Variants in DGKK observed in about 807,000 individuals in gnomAD.
DGKK encodes 142 kDa diacylglycerol kinase.
Under a neutral mutation model 92.2 loss-of-function variants are expected in DGKK, and 35 were observed. The ratio of observed to expected loss-of-function variants is 0.38; its 90% CI spans 0.29 to 0.50. The LOEUF (loss-of-function observed/expected upper bound fraction) is 0.50, where lower values mean the gene tolerates loss of function less well. Among genes scored for constraint, DGKK ranks in the 20% least tolerant of loss-of-function variants. DGKK has a pLI of 0.92. For synonymous variants in DGKK, 368 were observed against 360.6 expected, an observed-to-expected ratio of 1.02 and a Z score of -0.23; for missense variants, 910 against 992.2, an observed-to-expected ratio of 0.92 and a Z score of 1.11.
At chrX:50,378,280 C>T (rs1557224064) in intron 21 of DGKK, 48 bp from the exon 22 acceptor site, 5 of 1,172,543 alleles carry the variant, frequency 4.3e-6, no homozygotes, top group Non-Finnish European at 5.7e-6. Flanking sequence ...GGGGCAACTG[C>T]TGTAACTCTA....
chrX:50,419,668 G>A (rs186123196), intron 4 of DGKK, among the ~76,000 whole-genome samples: 18 of 111,750 alleles, frequency 1.6e-4, no homozygotes, highest in East Asian at 8.4e-4. Context: ...GCCAGAGACC[G>A]CTGTAAGTAA....
Position 50,393,340 on chromosome X carries a change from C to T in DGKK, c.1412-5G>A. The T allele has an allele frequency of 8.4e-7, 1 of 1,185,106 alleles. No homozygotes were observed. Among genetic ancestry groups the T allele is most frequent in the Non-Finnish European group, 1.1e-6 (1 of 881,311 alleles). ...CTGAAGATACTACTAATTGGCCTGA[C>T]ACAACGAAAAGAAAAAGAAGAAAAA... On this transcript the variant is annotated splice_region_variant and splice_polypyrimidine_tract_variant and intron_variant, in intron 8 of 27. Transcript: ENST00000611977.
chrX:50,437,151 G>A (rs1926050464), intron 1 of DGKK, among the ~76,000 whole-genome samples: 1 of 111,554 alleles, frequency 9.0e-6, no homozygotes, highest in African/African-American at 3.3e-5. Flanking sequence ...GACTGAGAGT[G>A]CGGCTCTCAG....
chrX:50,454,175 C>A (rs782416617), intron 1 of DGKK, among the ~76,000 whole-genome samples: 55 of 110,795 alleles, frequency 5.0e-4, no homozygotes, highest in Non-Finnish European at 8.5e-4. Context: ...TCTTGCTAGG[C>A]CCCAATCAAT....
At chrX:50,464,385 C>A (rs968400846) in intron 1 of DGKK, among the ~76,000 whole-genome samples, 1 of 109,725 alleles carries the variant, frequency 9.1e-6, no homozygotes, top group Non-Finnish European at 1.9e-5. Flanking sequence ...CCGCACCCCC[C>A]GCGCCCCTGC....
At chrX:50,428,780 C>A (rs1557229963) in intron 1 of DGKK, among the ~76,000 whole-genome samples, 2 of 111,300 alleles carry the variant, frequency 1.8e-5, no homozygotes, top group African/African-American at 6.6e-5. Flanking sequence ...CCTTTTCCTT[C>A]TGAATTCTGT....
At chrX:50,379,885 G>A (rs1460491120) in intron 19 of DGKK, 96 bp downstream of exon 19, 2 of 961,095 alleles carry the variant, frequency 2.1e-6, no homozygotes, top group African/African-American at 1.9e-5. Context: ...GGATCACAGA[G>A]TTAAAGCTCA....
At position 50,390,334 on chromosome X, in the gene DGKK, T is replaced by C; in HGVS notation, c.1920A>G (p.Arg640=). 8.3e-7 allele frequency: 1 copy of C among 1,209,931 alleles called. No individual in the cohort carries two copies. Among genetic ancestry groups the C allele is most frequent in the Non-Finnish European group, 1.1e-6 (1 of 893,879 alleles). ...ACAGCTGAACAGTAGTTACCTCAAA[T>C]CGTGGTACATCCATTTCAACCTGTC... ...LKGQVEMDVP[R]FEAAAIQHLE... Residue 640 remains arginine, a synonymous_variant, in exon 12 of 28, where the codon CGA becomes CGG. Coordinates refer to ENST00000611977, the MANE Select transcript of DGKK (RefSeq NM_001013742.4).
chrX:50,431,471 T>G (rs1034299895), intron 1 of DGKK, among the ~76,000 whole-genome samples: 1 of 111,783 alleles, frequency 8.9e-6, no homozygotes, highest in Non-Finnish European at 1.9e-5. Flanking sequence ...TGTTATTAGT[T>G]GGCTGCTCTT....
At position 50,368,862 on chromosome X, in the gene DGKK, TAGTCTAGCCTGTATTG is replaced by T. The variant is rs1924036777; in HGVS notation, c.*62_*77del. The T allele has an allele frequency of 2.4e-6, 2 of 823,617 alleles. No individual in the cohort carries two copies. Among genetic ancestry groups the T allele is most frequent in the Non-Finnish European group, 3.5e-6 (2 of 572,234 alleles). The allele number at this position is 823,617 out of a possible 1,213,427, so 67.9% of individuals were successfully genotyped here. A position where few individuals can be genotyped will look rare whatever the true frequency, so the allele number is the denominator to read the frequency against. On this transcript the variant is annotated 3_prime_UTR_variant, in exon 28 of 28. Transcript: ENST00000611977. ...TGCTCATGTTTGTTCTGAAATGATT[TAGTCTAGCCTGTATTG>T]AGGTTTTGAGAGTTTTTTTAGTAGA...
Position 50,392,226 on chromosome X carries a change from G to A in DGKK, c.1704+115C>T, listed in dbSNP as rs782814660. The A allele has an allele frequency of 1.2e-4, 61 of 521,800 alleles. 1 individual carries two copies. In the South Asian group the frequency reaches 1.9e-3, roughly 16 times the overall value. The allele number at this position is 521,800 out of a possible 1,213,427, so 43.0% of individuals were successfully genotyped here. ...ACCAGTCAGGCTGAATATGAAACCT[G>A]GGGGAAACATATTTTACAGACAGGG... On this transcript the variant is annotated intron_variant, in intron 10 of 27. Coordinates refer to ENST00000611977, the MANE Select transcript of DGKK (RefSeq NM_001013742.4).
rs782558579 is a variant in DGKK at position 50,370,619 on chromosome X, G to A, written c.3613-70C>T. On this transcript the variant is annotated intron_variant, in intron 26 of 27. Transcript: ENST00000611977. ...TTCAAAGATAATTGCTGGAGTCCTG[G>A]AAAAGTGGTAAACAAGAATGGCTAC... 2.7e-3 allele frequency: 2,962 copies of A among 1,082,785 alleles called. 5 individuals carry two copies. Among genetic ancestry groups the A allele is most frequent in the Non-Finnish European group, 3.5e-3 (2,823 of 813,412 alleles). The allele number at this position is 1,082,785 out of a possible 1,213,427, so 89.2% of individuals were successfully genotyped here.
chrX:50,371,210 T>C (rs1405593756), intron 26 of DGKK, among the ~76,000 whole-genome samples: 1 of 112,159 alleles, frequency 8.9e-6, no homozygotes, highest in Non-Finnish European at 1.9e-5. Context: ...TGAGATTAAC[T>C]TTGTTGTCAG....
At chrX:50,369,097 G>A in intron 27 of DGKK, 78 bp from the exon 28 acceptor site, 2 of 756,372 alleles carry the variant, frequency 2.6e-6, no homozygotes, top group Non-Finnish European at 3.9e-6. Context: ...ACCCAAAAGA[G>A]AGCAAAAAGT....
intron 4 of DGKK, among the ~76,000 whole-genome samples, chrX:50,416,948 T>C (rs1602286397): frequency 9.1e-6 from 1 of 110,022 alleles, no homozygotes; most frequent in African/African-American, 3.3e-5. Context: ...CCTGAGAACT[T>C]AGATTAAAAA....
At chrX:50,389,951 A>G (rs1399463784) in intron 12 of DGKK, among the ~76,000 whole-genome samples, 2 of 111,327 alleles carry the variant, frequency 1.8e-5, no homozygotes, top group Non-Finnish European at 3.8e-5. Context: ...TCTTCCTGCT[A>G]TGTGTTCCCA....
chrX:50,378,282 G>A (rs782484525), intron 21 of DGKK, 50 bp from the exon 22 acceptor site: 1 of 1,169,434 alleles, frequency 8.6e-7, no homozygotes, highest in East Asian at 3.1e-5. Flanking sequence ...GGCAACTGCT[G>A]TAACTCTATC....
intron 1 of DGKK, among the ~76,000 whole-genome samples, chrX:50,452,821 G>A (rs1557232567): frequency 9.0e-6 from 1 of 111,587 alleles, no homozygotes; most frequent in East Asian, 2.8e-4. Flanking sequence ...AATAAGAAGT[G>A]AGAGGTTAAA....
intron 4 of DGKK, among the ~76,000 whole-genome samples, chrX:50,411,756 C>G (rs1557227990): frequency 9.0e-6 from 1 of 110,992 alleles, no homozygotes; most frequent in African/African-American, 3.3e-5. Flanking sequence ...AAAAGATATC[C>G]TAATAGAAAA....
Sources: gnomAD v4.1 joint callset for allele counts (sites outside exome capture counted in the v4.1 genomes callset) on GRCh38, gnomAD v4.1.1 for gene constraint, MANE v1.5 for transcripts, NCBI Gene and HGNC (gene_info 2026-07-23, HGNC 2026-07-21) for gene names.